The following LILRB1 variants were observed in gnomAD, a reference collection of about 807,000 sequenced individuals.
LILRB1 encodes the protein leukocyte immunoglobulin like receptor B1.
LILRB1 carries 59 observed loss-of-function variants against 74.6 expected under a neutral mutation model. The ratio of observed to expected loss-of-function variants is 0.79; its 90% CI spans 0.64 to 0.98. LILRB1 has a LOEUF of 0.98. Ranked by LOEUF, LILRB1 falls within the 50% of genes least tolerant of loss-of-function variation. The pLI, the probability that LILRB1 is intolerant of heterozygous loss-of-function variation, is 0.00. For synonymous variants in LILRB1, 328 were observed against 333.9 expected, an observed-to-expected ratio of 0.98 and a Z score of 0.19; for missense variants, 804 against 822.6, an observed-to-expected ratio of 0.98 and a Z score of 0.28.
Position 54,636,578 on chromosome 19 carries a change from C to G in LILRB1, c.1738C>G (p.Pro580Ala), listed in dbSNP as rs370268778. 5.6e-6 allele frequency: 9 copies of G among 1,610,910 alleles called. No individual in the cohort carries two copies. The highest frequency in any genetic ancestry group is 7.6e-6 in the Non-Finnish European group (9 of 1,179,180). Residue 580 changes from proline to alanine, a missense_variant, in exon 14 of 15, where the codon CCT (proline) becomes GCT (alanine). Coordinates refer to ENST00000324602, the MANE Select transcript of LILRB1 (RefSeq NM_001081637.3). The part of the protein sequence containing the change: ...SRPRREMASP[P>A]SPLSGEFLDT... ...ACCTAGGAGAGAAATGGCCTCTCCTCCTTCCCCACTGTCTGGGGAATTCCT... is the reference window on the plus strand; with the variant it reads ...ACCTAGGAGAGAAATGGCCTCTCCTGCTTCCCCACTGTCTGGGGAATTCCT...
chr19:54,629,143 A>G (rs1052496944), upstream of LILRB1, among the ~76,000 whole-genome samples: 1 of 152,094 alleles, frequency 6.6e-6, no homozygotes, highest in East Asian at 1.9e-4. Context: ...TTTCAACCAA[A>G]CGGGGGTCAA....
At position 54,634,574 on chromosome 19, in the gene LILRB1, T is replaced by A. The variant is rs1477037038; in HGVS notation, c.1364-67T>A. 6 of 1,542,662 alleles carry A rather than the reference T, an allele frequency of 3.9e-6. 1 individual carries two copies. Among genetic ancestry groups the A allele is most frequent in the Non-Finnish European group, 5.3e-6 (6 of 1,139,094 alleles). ...AGGTGGTGAACAGAAGGTCCAGCAG[T>A]CACCTGCACACAGTAGGCGCTCATT... On this transcript the variant is annotated intron_variant, in intron 9 of 14. Coordinates refer to ENST00000324602, the MANE Select transcript of LILRB1 (RefSeq NM_001081637.3).
At chr19:54,631,341 C>A (rs1362176487) in intron 3 of LILRB1, 35 bp downstream of exon 3, 6 of 1,613,420 alleles carry the variant, frequency 3.7e-6, no homozygotes, top group African/African-American at 1.3e-5. Flanking sequence ...GGTCCCTCCT[C>A]CTCACTGGGG....
At chr19:54,628,154 G>T (rs1213227766), upstream of LILRB1, among the ~76,000 whole-genome samples, 3 of 152,126 alleles carry the variant, frequency 2.0e-5, no homozygotes, top group African/African-American at 7.2e-5. Context: ...GCAGAACAAA[G>T]GAAGGAGGAA....
chr19:54,629,492 G>A (rs2146221533), upstream of LILRB1, among the ~76,000 whole-genome samples: 1 of 152,330 alleles, frequency 6.6e-6, no homozygotes, highest in Non-Finnish European at 1.5e-5. Context: ...GCCCCACTGT[G>A]CAGAAGTCTC....
chr19:54,616,700 C>T (rs1811451950), upstream of LILRB1, among the ~76,000 whole-genome samples: 1 of 152,154 alleles, frequency 6.6e-6, no homozygotes, highest in Non-Finnish European at 1.5e-5. Context: ...TTCTCCATTG[C>T]TTTTCTCCCC....
chr19:54,636,861 A>C lies in LILRB1; in HGVS notation c.1942A>C (p.Thr648Pro), dbSNP rs1314681577. 6.2e-7 allele frequency: 1 copy of C among 1,612,928 alleles called. No individual in the cohort carries two copies. The highest frequency in any genetic ancestry group is 1.1e-5 in the South Asian group (1 of 91,062). The change falls in exon 15 of 15, where the codon ACT (threonine) becomes CCT (proline). Residue 648 changes from threonine to proline, a missense_variant. By Grantham distance (38) the Thr-to-Pro change is conservative (BLOSUM62 -1). Transcript: ENST00000324602. Reference protein sequence around the residue: ...PSPAVPSIYATLAIH With the variant: ...PSPAVPSIYAPLAIH ...TCCAGCTGTGCCCAGCATCTACGCC[A>C]CTCTGGCCATCCACTAGCCCAGGGG...
chr19:54,634,942 T>C (rs1445098012), intron 10 of LILRB1, 162 bp from the exon 11 acceptor site: 2 of 1,439,524 alleles, frequency 1.4e-6, no homozygotes, highest in African/African-American at 1.4e-5. Flanking sequence ...CTCAGTGCCA[T>C]CTACAAATGT....
At chr19:54,636,067 G>A (rs1033349173) in intron 13 of LILRB1, 5 of 542,498 alleles carry the variant, frequency 9.2e-6, no homozygotes, top group Non-Finnish European at 1.8e-5. Context: ...GCCTCCAGGA[G>A]TGCAACGTGC....
intron 1 of LILRB1, among the ~76,000 whole-genome samples, chr19:54,623,299 T>C (rs1600319306): frequency 1.3e-5 from 2 of 152,310 alleles, no homozygotes; most frequent in South Asian, 2.1e-4. Flanking sequence ...TTCTTGGGCT[T>C]TTTTGCCGGA....
chr19:54,636,417 C>T (rs771073959), intron 13 of LILRB1, 77 bp from the exon 14 acceptor site: 4 of 1,582,654 alleles, frequency 2.5e-6, no homozygotes, highest in Non-Finnish European at 2.6e-6. Flanking sequence ...ATCGGATCAC[C>T]CGGGGAACAG....
chr19:54,636,982 G>T lies in LILRB1; in HGVS notation c.*104G>T, dbSNP rs764558492. 2 of 1,444,132 alleles carry T rather than the reference G, an allele frequency of 1.4e-6. No homozygotes were observed. The highest frequency in any genetic ancestry group is 9.5e-7 in the Non-Finnish European group (1 of 1,057,968). The allele number at this position is 1,444,132 out of a possible 1,614,324, so 89.5% of individuals were successfully genotyped here. ...CCCCACCCAGCCTGGATCTACCCCA[G>T]GAGACTCTGGGAACTTTTAGGGGTC... On this transcript the variant is annotated 3_prime_UTR_variant, in exon 15 of 15. Coordinates refer to ENST00000324602, the MANE Select transcript of LILRB1 (RefSeq NM_001081637.3).
chr19:54,631,870 C>A (rs745589976), intron 4 of LILRB1, 65 bp from the exon 5 acceptor site: 913 of 1,606,230 alleles, frequency 5.7e-4, no homozygotes, highest in Non-Finnish European at 7.2e-4. Context: ...CCTCTCACAG[C>A]CCAGCCCTGG....
intron 1 of LILRB1, among the ~76,000 whole-genome samples, chr19:54,622,695 C>T (rs990928131): frequency 3.9e-5 from 6 of 152,166 alleles, no homozygotes; most frequent in Non-Finnish European, 7.3e-5. Flanking sequence ...CTGGCTAGGA[C>T]TTCCAGTACT....
chr19:54,635,315 T>C lies in LILRB1; in HGVS notation c.1600+19T>C, dbSNP rs769484579. On this transcript the variant is annotated intron_variant, in intron 12 of 14. Transcript: ENST00000324602. Reference sequence around the variant, plus strand: ...AACCTCTGTGAGTGAGAGGAAGAGGTGACCAGCCAGGAGGGAGATGGGGGC... The same window carrying C: ...AACCTCTGTGAGTGAGAGGAAGAGGCGACCAGCCAGGAGGGAGATGGGGGC... 1.1e-5 allele frequency: 18 copies of C among 1,612,602 alleles called. No individual in the cohort carries two copies. In the African/African-American group the frequency reaches 1.7e-4, roughly 16 times the overall value.
upstream of LILRB1, among the ~76,000 whole-genome samples, chr19:54,627,227 T>C (rs1171166018): frequency 1.3e-5 from 2 of 152,212 alleles, no homozygotes; most frequent in Non-Finnish European, 2.9e-5. Context: ...GCACTTTAGG[T>C]TGTTTTTAGA....
At chr19:54,634,914 TGTAAA>T in intron 10 of LILRB1, 151 bp downstream of exon 10, 1 of 1,484,384 alleles carries the variant, frequency 6.7e-7, no homozygotes, top group Middle Eastern at 1.9e-4. Context: ...CATCTACAAA[TGTAAA>T]GTGTCCTTCG....
chr19:54,621,232 C>T (rs1290651310), intron 1 of LILRB1, among the ~76,000 whole-genome samples: 1 of 144,124 alleles, frequency 6.9e-6, no homozygotes, highest in Non-Finnish European at 1.5e-5. Context: ...AATGGGATTG[C>T]TAAGTGAAAT....
intron 9 of LILRB1, chr19:54,634,342 C>T (rs556509980): frequency 7.8e-6 from 12 of 1,540,980 alleles, no homozygotes; most frequent in African/African-American, 2.7e-5. Flanking sequence ...TGGTTCAGGA[C>T]GGTCAGGCTC....
Sources: gnomAD v4.1 joint callset for allele counts (sites outside exome capture counted in the v4.1 genomes callset) on GRCh38, gnomAD v4.1.1 for gene constraint, MANE v1.5 for transcripts, NCBI Gene and HGNC (gene_info 2026-07-23, HGNC 2026-07-21) for gene names.